The following SCN1A variants were observed in gnomAD, a reference collection of about 807,000 sequenced individuals.
SCN1A encodes sodium voltage-gated channel alpha subunit 1, also known as sodium channel protein type 1 subunit alpha.
Under a neutral mutation model 193.7 loss-of-function variants are expected in SCN1A, and 13 were observed. That is an observed-to-expected ratio of 0.07 (90% CI 0.04 to 0.11). SCN1A has a LOEUF of 0.11. Ranked by LOEUF, SCN1A falls within the 10% of genes least tolerant of loss-of-function variation. The pLI, the probability that SCN1A is intolerant of heterozygous loss-of-function variation, is 1.00. For missense variants in SCN1A, 1,432 were observed against 2,451.1 expected (o/e 0.58, Z 8.78); for synonymous variants, 781 against 843.6 (o/e 0.93, Z 1.29).
At chr2:166,108,626 A>G (rs1316591331) in intron 2 of SCN1A, among the ~76,000 whole-genome samples, 1 of 152,188 alleles carries the variant, frequency 6.6e-6, no homozygotes, top group Non-Finnish European at 1.5e-5. Context: ...TGATTGGTCA[A>G]TTAAAATGAA....
At chr2:166,008,416 A>G (rs1215317577) in intron 23 of SCN1A, among the ~76,000 whole-genome samples, 1 of 151,196 alleles carries the variant, frequency 6.6e-6, no homozygotes, top group Non-Finnish European at 1.5e-5. Flanking sequence ...TAGAATGTAC[A>G]CAAATGACAT....
At chr2:166,118,564 C>A (rs993762568) in intron 2 of SCN1A, among the ~76,000 whole-genome samples, 1 of 151,844 alleles carries the variant, frequency 6.6e-6, no homozygotes, top group African/African-American at 2.4e-5. Context: ...GTATTCTAGA[C>A]CTGACACCGG....
intron 2 of SCN1A, among the ~76,000 whole-genome samples, chr2:166,089,035 ATACTT>A (rs1201426320): frequency 1.3e-5 from 2 of 152,320 alleles, no homozygotes; most frequent in African/African-American, 4.8e-5. Flanking sequence ...TATATTTACT[ATACTT>A]TAAGTTCTGG....
intron 2 of SCN1A, among the ~76,000 whole-genome samples, chr2:166,124,756 A>G (rs61390066): frequency 0.25 from 38,310 of 152,088 alleles, 4,939 homozygotes; most frequent in Non-Finnish European, 0.27. Flanking sequence ...CACAGACGCC[A>G]TGGCCACGGT....
chr2:166,055,888 G>C (rs138566043), intron 6 of SCN1A, among the ~76,000 whole-genome samples: 1 of 152,102 alleles, frequency 6.6e-6, no homozygotes, highest in East Asian at 1.9e-4. Context: ...TCAGTCTACT[G>C]AATTTTCAAG....
Position 165,992,325 on chromosome 2 carries a change from G to C in SCN1A, c.4950C>G (p.Ile1650Met). ...GCGTGCGGATCCCCTTTGCTCCTTT[G>C]ATCAGACGTAGGATTCGGCCAATCC... is the stretch of plus-strand genomic sequence containing the variant. The part of the protein sequence containing the change: ...LARIGRILRL[I>M]KGAKGIRTLL... Residue 1650 changes from isoleucine to methionine, a missense_variant, in exon 29 of 29, where the codon ATC becomes ATG. Physicochemically the swap from Ile to Met is conservative, Grantham distance 10 (BLOSUM62 1). This residue lies in a region of SCN1A where 85 missense variants were observed against 213.2 expected (regional missense o/e 0.40). Coordinates refer to ENST00000674923, the MANE Select transcript of SCN1A (RefSeq NM_001165963.4). This position sits in a 1 kb window ranked among gnomAD's most constrained non-coding sequence, Gnocchi z 6.5. 1 of 1,613,694 alleles carries C rather than the reference G, an allele frequency of 6.2e-7. No homozygotes were observed. The highest frequency in any genetic ancestry group is 8.5e-7 in the Non-Finnish European group (1 of 1,179,808).
intron 2 of SCN1A, among the ~76,000 whole-genome samples, chr2:166,079,355 A>T (rs966394833): frequency 1.3e-5 from 2 of 149,880 alleles, no homozygotes; most frequent in Non-Finnish European, 3.0e-5. Flanking sequence ...GCCCTTGTTT[A>T]TCTTACTGTA....
At position 165,990,896 on chromosome 2, in the gene SCN1A, G is replaced by A. The variant is rs1200000505; in HGVS notation, c.*349C>T. ...ATGTGGCAGTTGAAATGCAAACAGT[G>A]GATACAATTACTACACTAAAGTGTT... On this transcript the variant is annotated 3_prime_UTR_variant, in exon 29 of 29. Coordinates refer to ENST00000674923, the MANE Select transcript of SCN1A (RefSeq NM_001165963.4). 2 of 224,998 alleles carry A rather than the reference G, an allele frequency of 8.9e-6. No homozygotes were observed. The highest frequency in any genetic ancestry group is 1.0e-4 in the East Asian group (1 of 9,592). The allele number at this position is 224,998 out of a possible 1,614,324, so 13.9% of individuals were successfully genotyped here.
chr2:166,123,256 A>G (rs1690822279), intron 2 of SCN1A, among the ~76,000 whole-genome samples: 1 of 73,888 alleles, frequency 1.4e-5, no homozygotes. Context: ...AAAAAAAAAA[A>G]AAAAAAGATT....
upstream of SCN1A, among the ~76,000 whole-genome samples, chr2:166,131,887 T>C (rs1344263822): frequency 6.6e-6 from 1 of 152,188 alleles, no homozygotes; most frequent in Non-Finnish European, 1.5e-5. Flanking sequence ...TTTCCCAAAG[T>C]GATGACCAAA....
At chr2:166,129,940 C>T (rs1325067631), upstream of SCN1A, among the ~76,000 whole-genome samples, 1 of 152,088 alleles carries the variant, frequency 6.6e-6, no homozygotes, top group Admixed American at 6.6e-5. Flanking sequence ...CAAAGAGAGC[C>T]ACTACATGTG....
At chr2:166,039,908 A>G (rs895713001) in intron 16 of SCN1A, among the ~76,000 whole-genome samples, 2 of 116,380 alleles carry the variant, frequency 1.7e-5, no homozygotes, top group Non-Finnish European at 3.4e-5. Context: ...AGTACAAGTC[A>G]TCTTTTTTTT....
chr2:166,087,890 T>C (rs1341218584), intron 2 of SCN1A, among the ~76,000 whole-genome samples: 2 of 152,208 alleles, frequency 1.3e-5, no homozygotes, highest in East Asian at 1.9e-4. Flanking sequence ...CTTTATGAAA[T>C]AGACTTTAGG....
At position 165,992,704 on chromosome 2, in the gene SCN1A, A is replaced by G. The variant is rs564145539; in HGVS notation, c.4853-282T>C. 24 of 171,714 alleles carry G rather than the reference A, an allele frequency of 1.4e-4. No homozygotes were observed. Among genetic ancestry groups the G allele is most frequent in the Admixed American group, 8.2e-4 (13 of 15,834 alleles). The allele number at this position is 171,714 out of a possible 1,614,324, so 10.6% of individuals were successfully genotyped here. The stretch of plus-strand genomic sequence containing the variant: ...TATGTAAAGTCCCAAGTCAGAATTT[A>G]AAAAGAAAATAAGTTAAAAATGCAC... On this transcript the variant is annotated intron_variant, in intron 28 of 28. Transcript: ENST00000674923. This position sits in a 1 kb window ranked among gnomAD's most constrained non-coding sequence, Gnocchi z 6.5.
intron 12 of SCN1A, 110 bp from the exon 13 acceptor site, chr2:166,045,437 G>T (rs1003464014): frequency 2.4e-6 from 3 of 1,224,518 alleles, no homozygotes; most frequent in African/African-American, 3.0e-5. Flanking sequence ...ACTGACTGAA[G>T]ATCATCTCAC....
rs1292907317 is a variant in SCN1A at position 166,126,968 on chromosome 2, TG to T, written c.-187del. The T allele has an allele frequency of 1.3e-5, 2 of 152,388 alleles. No homozygotes were observed. The highest frequency in any genetic ancestry group is 3.9e-4 in the East Asian group (2 of 5,190). 9.4% of individuals were successfully genotyped at this position (152,388 alleles called of 1,614,324 possible). On this transcript the variant is annotated 5_prime_UTR_variant, in exon 2 of 29. Transcript: ENST00000674923. ...GGAAATCCATGATAGCAAAGACATT[TG>T]GACAAGCCTCACCTCCACTCAGAAA... is the stretch of plus-strand genomic sequence containing the variant.
At chr2:166,103,373 C>A (rs1190156797) in intron 2 of SCN1A, among the ~76,000 whole-genome samples, 1 of 151,840 alleles carries the variant, frequency 6.6e-6, no homozygotes, top group Non-Finnish European at 1.5e-5. Context: ...ATCACTTGAA[C>A]CCGGGAGGTG....
Position 165,998,172 on chromosome 2 carries a change from C to G in SCN1A, c.4342G>C (p.Glu1448Gln), listed in dbSNP as rs1193847815. The change falls in exon 26 of 29, where the codon GAA (glutamate) becomes CAA (glutamine). Residue 1448 changes from glutamate to glutamine, a missense_variant. Around this residue, in one of 18 missense-constraint regions of SCN1A, gnomAD observed 23 missense variants for 56.4 expected, o/e 0.41. Coordinates refer to ENST00000674923, the MANE Select transcript of SCN1A (RefSeq NM_001165963.4). ...MYAAVDSRNV[E>Q]LQPKYEESLY... ...CTTTCTTCATACTTAGGCTGGAGTT[C>G]CACCTACCAAAGGGGAATATTTTGT... 1.2e-6 allele frequency: 2 copies of G among 1,602,404 alleles called. No individual in the cohort carries two copies. Among genetic ancestry groups the G allele is most frequent in the African/African-American group, 1.3e-5 (1 of 74,364 alleles).
At chr2:166,026,213 A>G (rs1469404388) in intron 19 of SCN1A, among the ~76,000 whole-genome samples, 1 of 152,142 alleles carries the variant, frequency 6.6e-6, no homozygotes, top group Admixed American at 6.5e-5. Context: ...ATATTATCCA[A>G]AATCTAAATG....
Sources: gnomAD v4.1 joint callset for allele counts (sites outside exome capture counted in the v4.1 genomes callset) on GRCh38, gnomAD v4.1.1 for gene constraint, gnomAD v4.1.1 regional missense constraint, Gnocchi (gnomAD v3.1) non-coding constraint, MANE v1.5 for transcripts, NCBI Gene and HGNC (gene_info 2026-07-23, HGNC 2026-07-21) for gene names.